HEATR5A: variants seen among roughly 807,000 people sequenced by gnomAD.
HEATR5A encodes the protein HEAT repeat containing 5A.
HEATR5A carries 178 observed loss-of-function variants against 218.8 expected under a neutral mutation model. That is an observed-to-expected ratio of 0.81 (90% CI 0.72 to 0.92). The LOEUF (loss-of-function observed/expected upper bound fraction) is 0.92. Ranked by LOEUF, HEATR5A falls within the 40% of genes least tolerant of loss-of-function variation. HEATR5A has a pLI of 0.00. For synonymous variants in HEATR5A, 864 were observed against 871.6 expected (o/e 0.99, Z 0.15); for missense variants, 2,420 against 2,418.9 (o/e 1.00, Z -0.01).
chr14:31,403,784 T>C (rs1214133409), intron 1 of HEATR5A, among the ~76,000 whole-genome samples: 1 of 152,242 alleles, frequency 6.6e-6, no homozygotes. Flanking sequence ...ATTATTGTTT[T>C]ATTCAACAGC....
At chr14:31,377,993 G>C (rs1025490237) in intron 11 of HEATR5A, among the ~76,000 whole-genome samples, 1 of 152,112 alleles carries the variant, frequency 6.6e-6, no homozygotes, top group African/African-American at 2.4e-5. Flanking sequence ...CAATTAGCTT[G>C]TTTTAAAAGC....
chr14:31,412,449 T>C (rs2031307316), intron 1 of HEATR5A, among the ~76,000 whole-genome samples: 1 of 147,686 alleles, frequency 6.8e-6, no homozygotes, highest in African/African-American at 2.5e-5. Flanking sequence ...AAAAATTAGC[T>C]GGGCGTGGTG....
At chr14:31,416,180 C>T (rs1481390911) in intron 1 of HEATR5A, among the ~76,000 whole-genome samples, 5 of 151,976 alleles carry the variant, frequency 3.3e-5, no homozygotes, top group South Asian at 2.1e-4. Flanking sequence ...TGCAGTGGTA[C>T]GATCTCGGCT....
In HEATR5A at chr14:31,292,148, AT is replaced by A. The variant is rs1899050301; in HGVS notation, c.*1156del. 1 of 152,236 alleles carries A rather than the reference AT, an allele frequency of 6.6e-6. No homozygotes were observed. 9.4% of individuals were successfully genotyped at this position (152,236 alleles called of 1,614,324 possible). ...AATAAAATGTTTCCTGTTAAAAAAA[AT>A]ACTTGTATTCACCTGATGACCTAAA... On this transcript the variant is annotated 3_prime_UTR_variant, in exon 36 of 36. Coordinates refer to ENST00000543095, the MANE Select transcript of HEATR5A (RefSeq NM_015473.4).
chr14:31,387,641 G>A (rs910238676), intron 7 of HEATR5A, among the ~76,000 whole-genome samples: 4 of 151,102 alleles, frequency 2.6e-5, no homozygotes, highest in Admixed American at 2.0e-4. Context: ...CTCACTGCAA[G>A]CTCCGCCTCC....
chr14:31,392,888 C>T (rs2030505079), intron 6 of HEATR5A, among the ~76,000 whole-genome samples: 1 of 152,170 alleles, frequency 6.6e-6, no homozygotes, highest in Admixed American at 6.5e-5. Context: ...AGCAGAACTC[C>T]TTAGAGAAAT....
Position 31,380,653 on chromosome 14 carries a change from T to C in HEATR5A, c.1597-75A>G, listed in dbSNP as rs1049300951. ...TACTAAATGATAGCAGCTAACAATA[T>C]CTTGAAAAATTAATTCTTACATAAA... On this transcript the variant is annotated intron_variant, in intron 10 of 35. Coordinates refer to ENST00000543095, the MANE Select transcript of HEATR5A (RefSeq NM_015473.4). The C allele has an allele frequency of 9.1e-6, 8 of 881,268 alleles. No homozygotes were observed. The African/African-American group carries it at 1.3e-4, about 15-fold the overall frequency. The allele number at this position is 881,268 out of a possible 1,614,324, so 54.6% of individuals were successfully genotyped here. A position where few individuals can be genotyped will look rare whatever the true frequency, so the allele number is the denominator to read the frequency against.
chr14:31,308,809 T>G, intron 29 of HEATR5A, 125 bp downstream of exon 29: 1 of 699,166 alleles, frequency 1.4e-6, no homozygotes, highest in Non-Finnish European at 2.3e-6. Context: ...TTGACAATAA[T>G]TGTGAGCTTG....
intron 21 of HEATR5A, among the ~76,000 whole-genome samples, chr14:31,342,195 TG>T (rs1480904997): frequency 6.6e-6 from 1 of 152,072 alleles, no homozygotes; most frequent in Non-Finnish European, 1.5e-5. Flanking sequence ...AAGACCAGCC[TG>T]GGTAACATAG....
At chr14:31,318,176 G>T in intron 26 of HEATR5A, 48 bp downstream of exon 26, 1 of 1,469,534 alleles carries the variant, frequency 6.8e-7, no homozygotes, top group Non-Finnish European at 9.5e-7. Flanking sequence ...CTAACTGGAG[G>T]ACTGCTTCCC....
chr14:31,306,744 G>A lies in HEATR5A; in HGVS notation c.4954C>T (p.Arg1652Ter), dbSNP rs377240432. ...GGTTAACATTTACCTTCTGCACTTC[G>A]TCTTTTTTCCTTCACATGTTCTTGA... ...AAQEHVKEKR[R>*]SAEVDDGAAE... Residue 1652 changes from arginine to a stop codon, truncating the protein, a stop_gained, in exon 31 of 36, where the codon CGA becomes TGA. Coordinates refer to ENST00000543095, the MANE Select transcript of HEATR5A (RefSeq NM_015473.4). LOFTEE classifies it high-confidence loss of function. The A allele has an allele frequency of 6.3e-5, 102 of 1,609,638 alleles. No homozygotes were observed. The highest frequency in any genetic ancestry group is 8.0e-5 in the Non-Finnish European group (94 of 1,177,602).
At chr14:31,391,929 G>T (rs998823905) in intron 6 of HEATR5A, among the ~76,000 whole-genome samples, 1 of 152,164 alleles carries the variant, frequency 6.6e-6, no homozygotes, top group African/African-American at 2.4e-5. Context: ...ACTCTATGAT[G>T]TTCCCACAAT....
intron 22 of HEATR5A, among the ~76,000 whole-genome samples, chr14:31,333,675 G>T: frequency 6.6e-6 from 1 of 152,118 alleles, no homozygotes; most frequent in East Asian, 1.9e-4. Context: ...ATGGGCTAAT[G>T]CAGCTGGTGA....
intron 3 of HEATR5A, among the ~76,000 whole-genome samples, chr14:31,399,309 G>A (rs1241525999): frequency 1.3e-5 from 2 of 152,008 alleles, no homozygotes; most frequent in Admixed American, 1.3e-4. Context: ...ATCAATCTGT[G>A]ATTACTCTAC....
At position 31,326,275 on chromosome 14, in the gene HEATR5A, C is replaced by T; in HGVS notation, c.3435G>A (p.Glu1145=). 6.2e-7 allele frequency: 1 copy of T among 1,613,248 alleles called. No individual in the cohort carries two copies. Among genetic ancestry groups the T allele is most frequent in the Non-Finnish European group, 8.5e-7 (1 of 1,179,356 alleles). The change falls in exon 23 of 36, where the codon GAG becomes GAA. Residue 1145 remains glutamate (E), a synonymous_variant. Coordinates refer to ENST00000543095, the MANE Select transcript of HEATR5A (RefSeq NM_015473.4). ...LLILLDKETD[E]RLCHDIKETL... Reference sequence around the variant, plus strand: ...TCTCTTTGATATCATGGCATAATCTCTCATCTGTCTCCTTGTCTAGTAAGA... The same window carrying T: ...TCTCTTTGATATCATGGCATAATCTTTCATCTGTCTCCTTGTCTAGTAAGA...
At chr14:31,346,121 T>C (rs1316703189) in intron 19 of HEATR5A, among the ~76,000 whole-genome samples, 1 of 152,210 alleles carries the variant, frequency 6.6e-6, no homozygotes, top group African/African-American at 2.4e-5. Context: ...AATGGATGTA[T>C]AAGAAAGCTT....
At chr14:31,368,321 T>G (rs1423764647) in intron 13 of HEATR5A, among the ~76,000 whole-genome samples, 1 of 152,156 alleles carries the variant, frequency 6.6e-6, no homozygotes, top group Non-Finnish European at 1.5e-5. Context: ...CTTAGACTCC[T>G]GCCTCCAGAA....
intron 23 of HEATR5A, among the ~76,000 whole-genome samples, chr14:31,325,625 T>C (rs1900242920): frequency 6.6e-6 from 1 of 151,938 alleles, no homozygotes; most frequent in South Asian, 2.1e-4. Flanking sequence ...CCTCCCATCT[T>C]AGCTTCCCGA....
At chr14:31,297,535 A>G (rs1899227864) in intron 33 of HEATR5A, 1 of 152,238 alleles carries the variant, frequency 6.6e-6, no homozygotes, top group Non-Finnish European at 1.5e-5. Flanking sequence ...AGGACAGCCT[A>G]TCCTGGGTGA....
Sources: allele counts gnomAD v4.1 joint callset (sites outside exome capture counted in the v4.1 genomes callset), GRCh38; gene constraint gnomAD v4.1.1; transcripts MANE v1.5; gene names NCBI Gene and HGNC (gene_info 2026-07-23, HGNC 2026-07-21).